PSD3: variants seen among roughly 807,000 people sequenced by gnomAD.
PSD3 encodes the protein pleckstrin and Sec7 domain containing 3.
In PSD3, 49 loss-of-function variants were observed where a neutral mutation model predicts 105.5. The observed-to-expected ratio is 0.46, with a 90% confidence interval of 0.37 to 0.59. The LOEUF (loss-of-function observed/expected upper bound fraction) is 0.59, where lower values mean the gene tolerates loss of function less well. Among genes scored for constraint, PSD3 ranks in the 20% least tolerant of loss-of-function variants. The probability of loss-of-function intolerance (pLI) is 0.00; values close to 1 mark genes in which losing one functional copy is unlikely to be tolerated. For synonymous variants in PSD3, 557 were observed against 457.8 expected (o/e 1.22, Z -2.77); for missense variants, 1,561 against 1,263.8 (o/e 1.24, Z -3.57).
chr8:18,728,547 G>C (rs1256525080), intron 9 of PSD3, among the ~76,000 whole-genome samples: 1 of 152,156 alleles, frequency 6.6e-6, no homozygotes, highest in Non-Finnish European at 1.5e-5. Flanking sequence ...GCAAGACAGA[G>C]TGTTTAGGAA....
chr8:18,894,427 C>T (rs1057025160), intron 2 of PSD3, among the ~76,000 whole-genome samples: 2 of 152,104 alleles, frequency 1.3e-5, no homozygotes, highest in African/African-American at 4.8e-5. Context: ...TGACATCTCC[C>T]CTAGGCTTCA....
chr8:18,717,679 A>G (rs1802688915), intron 9 of PSD3, among the ~76,000 whole-genome samples: 1 of 152,198 alleles, frequency 6.6e-6, no homozygotes, highest in Non-Finnish European at 1.5e-5. Flanking sequence ...GAAGGGTCAC[A>G]CTATAACCAC....
At chr8:18,961,716 G>C (rs1823939125) in intron 1 of PSD3, among the ~76,000 whole-genome samples, 1 of 152,130 alleles carries the variant, frequency 6.6e-6, no homozygotes, top group Non-Finnish European at 1.5e-5. Flanking sequence ...GAAGGTATTT[G>C]TAGATATAAA....
At chr8:18,852,278 G>A (rs750666311) in intron 4 of PSD3, among the ~76,000 whole-genome samples, 15 of 152,132 alleles carry the variant, frequency 9.9e-5, no homozygotes, top group Non-Finnish European at 1.9e-4. Flanking sequence ...ACTCAGACCA[G>A]GCACTCAGAG....
intron 1 of PSD3, among the ~76,000 whole-genome samples, chr8:19,060,979 G>T (rs1828877914): frequency 6.6e-6 from 1 of 152,066 alleles, no homozygotes; most frequent in Admixed American, 6.6e-5. Flanking sequence ...CTGGCCCTTT[G>T]ACTTCTTTCA....
At chr8:18,677,256 C>T (rs1485859282) in intron 9 of PSD3, among the ~76,000 whole-genome samples, 1 of 152,148 alleles carries the variant, frequency 6.6e-6, no homozygotes, top group Non-Finnish European at 1.5e-5. Flanking sequence ...GTAACAAAAA[C>T]CATTGTCACT....
At chr8:18,834,969 T>C (rs1813986233) in intron 4 of PSD3, among the ~76,000 whole-genome samples, 1 of 152,156 alleles carries the variant, frequency 6.6e-6, no homozygotes, top group Non-Finnish European at 1.5e-5. Flanking sequence ...ATTAGACATG[T>C]GGAAATAAAG....
intron 2 of PSD3, among the ~76,000 whole-genome samples, chr8:18,879,765 A>T (rs955822156): frequency 1.3e-5 from 2 of 151,858 alleles, no homozygotes; most frequent in Non-Finnish European, 2.9e-5. Context: ...TAATTTTTTT[A>T]TTTTTATTTT....
At chr8:18,677,963 T>TTG (rs1243506381) in intron 9 of PSD3, among the ~76,000 whole-genome samples, 3 of 147,318 alleles carry the variant, frequency 2.0e-5, no homozygotes, top group East Asian at 2.0e-4. Context: ...TGAGCCGAGA[T>TTG]CAGGCCACTG....
chr8:18,684,045 G>C lies in PSD3; in HGVS notation c.2173-28360C>G, dbSNP rs1272669763. On this transcript the variant is annotated intron_variant, in intron 9 of 15. Coordinates refer to ENST00000327040, the MANE Select transcript of PSD3 (RefSeq NM_015310.4). ...GGGGTTGTGCCTGAGCAGCTCCTGA[G>C]CGCCGTGATCCGCGTTAGCTTAAGA... The C allele has an allele frequency of 4.7e-6, 3 of 645,100 alleles. No homozygotes were observed. The East Asian group carries it at 7.6e-5, about 16-fold the overall frequency. 40.0% of individuals were successfully genotyped at this position (645,100 alleles called of 1,614,324 possible).
chr8:18,587,120 C>T (rs1803248050), intron 12 of PSD3, among the ~76,000 whole-genome samples: 1 of 152,108 alleles, frequency 6.6e-6, no homozygotes, highest in Admixed American at 6.6e-5. Flanking sequence ...GACATTTCTG[C>T]TATACTGGAA....
intron 9 of PSD3, among the ~76,000 whole-genome samples, chr8:18,660,257 C>T (rs534957618): frequency 6.0e-4 from 91 of 152,076 alleles, no homozygotes; most frequent in African/African-American, 2.1e-3. Context: ...GTAATACACA[C>T]GTAAGTCAAA....
chr8:18,704,099 A>G (rs113575673), intron 9 of PSD3, among the ~76,000 whole-genome samples: 1 of 152,212 alleles, frequency 6.6e-6, no homozygotes, highest in Non-Finnish European at 1.5e-5. Context: ...TTCCAACTGA[A>G]AACAGATACA....
intron 9 of PSD3, among the ~76,000 whole-genome samples, chr8:18,671,926 G>C (rs533429045): frequency 1.2e-4 from 19 of 152,148 alleles, no homozygotes; most frequent in South Asian, 2.1e-4. Context: ...CCACTGCGCC[G>C]GGCCTGATTT....
rs143010511 is a variant in PSD3, at chr8:19,030,163, A to G, written c.324+54043T>C. ...TTCCTGTCCATGCCTAATTTGCTGA[A>G]AGTTATTTATCATGAATGGGTATTG... is the stretch of plus-strand genomic sequence containing the variant. On this transcript the variant is annotated intron_variant, in intron 1 of 1. Coordinates refer to the PSD3 transcript ENST00000521475. Among the ~76,000 whole-genome samples, 357 of 152,220 alleles carry G rather than the reference A, an allele frequency of 2.3e-3. 1 individual carries two copies. The highest frequency in any genetic ancestry group is 8.4e-3 in the African/African-American group (350 of 41,518).
chr8:18,952,848 T>G (rs1003967675), intron 1 of PSD3, among the ~76,000 whole-genome samples: 1 of 152,174 alleles, frequency 6.6e-6, no homozygotes, highest in Non-Finnish European at 1.5e-5. Flanking sequence ...AAACAACTTA[T>G]TGAGGAGACG....
At chr8:18,617,994 T>C (rs1393637721) in intron 11 of PSD3, among the ~76,000 whole-genome samples, 117 of 152,198 alleles carry the variant, frequency 7.7e-4, no homozygotes, top group Non-Finnish European at 1.5e-4. Context: ...CTGGAGAGTC[T>C]AGTATCTTTT....
rs182507739 is a variant in PSD3, at chr8:18,592,892, A to T, written c.2481+7472T>A. 1.6e-3 allele frequency among the ~76,000 whole-genome samples: 244 copies of T among 152,328 alleles called. 1 individual carries two copies. The highest frequency in any genetic ancestry group is 5.5e-3 in the African/African-American group (228 of 41,570). ...TGGGGAAAGGATTCCCTATTTAACA[A>T]ATGGTGCTGGGAAAACTGGCTAGCC... On this transcript the variant is annotated intron_variant, in intron 12 of 15. Coordinates refer to ENST00000327040, the MANE Select transcript of PSD3 (RefSeq NM_015310.4).
At chr8:18,566,173 A>G (rs1376384472) in intron 14 of PSD3, among the ~76,000 whole-genome samples, 1 of 152,142 alleles carries the variant, frequency 6.6e-6, no homozygotes, top group Non-Finnish European at 1.5e-5. Context: ...AAAGCTAAAA[A>G]TCTTATCTTT....
Sources: allele counts gnomAD v4.1 joint callset (sites outside exome capture counted in the v4.1 genomes callset), GRCh38; gene constraint gnomAD v4.1.1; transcripts MANE v1.5; gene names NCBI Gene and HGNC (gene_info 2026-07-23, HGNC 2026-07-21).